The following RABGAP1L variants were observed in gnomAD, a reference collection of about 807,000 sequenced individuals.
RABGAP1L encodes the protein RAB GTPase activating protein 1 like.
In RABGAP1L, 63 loss-of-function variants were observed where a neutral mutation model predicts 137.7. The ratio of observed to expected loss-of-function variants is 0.46; its 90% CI spans 0.37 to 0.56. The LOEUF (loss-of-function observed/expected upper bound fraction) is 0.56, where lower values mean the gene tolerates loss of function less well. Ranked by LOEUF, RABGAP1L falls within the 20% of genes least tolerant of loss-of-function variation. The probability of loss-of-function intolerance (pLI) is 0.00; values close to 1 mark genes in which losing one functional copy is unlikely to be tolerated. For synonymous variants in RABGAP1L, 431 were observed against 433.7 expected, an observed-to-expected ratio of 0.99 and a Z score of 0.08; for missense variants, 1,095 against 1,244.0, an observed-to-expected ratio of 0.88 and a Z score of 1.80.
In RABGAP1L at chr1:174,982,919, T is replaced by G. The variant is rs965691426; in HGVS notation, c.2805+14T>G. The stretch of plus-strand genomic sequence containing the variant: ...GAAGTGGTAAAGGTAAGGAGTGAAA[T>G]CGTGCTGTGATAAAATTTATTTCAA... On this transcript the variant is annotated intron_variant, in intron 24 of 25. Transcript: ENST00000681986. The G allele has an allele frequency of 1.9e-6, 3 of 1,549,898 alleles. No homozygotes were observed. Among genetic ancestry groups the G allele is most frequent in the Non-Finnish European group, 2.6e-6 (3 of 1,146,634 alleles).
At chr1:174,515,511 G>A (rs1422974163) in intron 13 of RABGAP1L, among the ~76,000 whole-genome samples, 1 of 143,158 alleles carries the variant, frequency 7.0e-6, no homozygotes, top group Non-Finnish European at 1.6e-5. Flanking sequence ...GAGATCTTAA[G>A]TATTATACTG....
intron 10 of RABGAP1L, among the ~76,000 whole-genome samples, chr1:174,279,793 G>T (rs965060016): frequency 7.2e-5 from 11 of 151,940 alleles, no homozygotes; most frequent in African/African-American, 2.7e-4. Flanking sequence ...TTTATTATGA[G>T]ACTTTTTTCC....
At chr1:174,958,096 A>G in intron 20 of RABGAP1L, 1 of 1,515,172 alleles carries the variant, frequency 6.6e-7, no homozygotes, top group Middle Eastern at 1.7e-4. Flanking sequence ...TGACACAAGG[A>G]TGTTTCAAAC....
Position 174,368,984 on chromosome 1 carries a change from T to C in RABGAP1L, c.1466-1995T>C, listed in dbSNP as rs567540237. Among the ~76,000 whole-genome samples, 4 of 152,302 alleles carry C rather than the reference T, an allele frequency of 2.6e-5. No individual in the cohort carries two copies. The South Asian group carries it at 8.3e-4, about 32-fold the overall frequency. Reference sequence around the variant, plus strand: ...TGTGTTCCTAGATTTTGGTCTCTAATTTGGCATGTACAACATAATCAAATA... The same window carrying C: ...TGTGTTCCTAGATTTTGGTCTCTAACTTGGCATGTACAACATAATCAAATA... On this transcript the variant is annotated intron_variant, in intron 11 of 25. Transcript: ENST00000681986.
At position 174,804,281 on chromosome 1, in the gene RABGAP1L, G is replaced by GTTTTTTTTTTTGT. The variant is rs1553254979; in HGVS notation, c.2212-7539_2212-7538insTTTTTTTTTTTTG. Reference sequence around the variant, plus strand: ...TTTGTTTTGTTTTGTTTTGTTTTTTGTTTTTTTTTTTGAGATAGGGTTTCA... The same window carrying GTTTTTTTTTTTGT: ...TTTGTTTTGTTTTGTTTTGTTTTTTGTTTTTTTTTTTGTTTTTTTTTTTTGAGATAGGGTTTCA... On this transcript the variant is annotated intron_variant, in intron 18 of 25. Transcript: ENST00000681986. Among the ~76,000 whole-genome samples, 60 of 139,336 alleles carry GTTTTTTTTTTTGT rather than the reference G, an allele frequency of 4.3e-4. 1 individual carries two copies. Among genetic ancestry groups the GTTTTTTTTTTTGT allele is most frequent in the Admixed American group, 1.7e-3 (23 of 13,742 alleles). The allele number at this position is 139,336 out of a possible 152,430, so 91.4% of individuals were successfully genotyped here.
chr1:174,517,730 C>T (rs1662995441), intron 13 of RABGAP1L, among the ~76,000 whole-genome samples: 1 of 152,142 alleles, frequency 6.6e-6, no homozygotes, highest in Admixed American at 6.5e-5. Flanking sequence ...TGTTCCACTC[C>T]TGAAGAATGT....
chr1:174,713,390 T>C (rs1463095790), intron 17 of RABGAP1L, among the ~76,000 whole-genome samples: 2 of 152,208 alleles, frequency 1.3e-5, no homozygotes, highest in Non-Finnish European at 2.9e-5. Flanking sequence ...CCAGATCTCA[T>C]GTTGAAGTGT....
intron 11 of RABGAP1L, among the ~76,000 whole-genome samples, chr1:174,354,237 T>G (rs1683428836): frequency 6.6e-6 from 1 of 150,790 alleles, no homozygotes; most frequent in Non-Finnish European, 1.5e-5. Context: ...CCACTTTGCT[T>G]CTTTTTTTTT....
chr1:174,732,201 C>CAAAA (rs35666280), intron 17 of RABGAP1L, among the ~76,000 whole-genome samples: 4,639 of 144,978 alleles, frequency 0.032, 93 homozygotes, highest in Middle Eastern at 0.088. Flanking sequence ...CCATCCCCCC[C>CAAAA]AAAAAAAAAA....
rs910711861 is a variant in RABGAP1L at position 174,502,592 on chromosome 1, A to G, written c.1710+108447A>G. The stretch of plus-strand genomic sequence containing the variant: ...AAGTACACGGTATATATATATATAT[A>G]TATATGTACATATATGTGTGTATAT... On this transcript the variant is annotated intron_variant, in intron 13 of 25. Transcript: ENST00000681986. Among the ~76,000 whole-genome samples, 4 of 147,758 alleles carry G rather than the reference A, an allele frequency of 2.7e-5. No individual in the cohort carries two copies. The East Asian group carries it at 7.8e-4, about 29-fold the overall frequency.
At chr1:174,191,715 A>T (rs2148340134) in intron 1 of RABGAP1L, among the ~76,000 whole-genome samples, 1 of 152,258 alleles carries the variant, frequency 6.6e-6, no homozygotes, top group Non-Finnish European at 1.5e-5. Context: ...TGCTTTAATC[A>T]GCTTGCTTAC....
intron 14 of RABGAP1L, among the ~76,000 whole-genome samples, chr1:174,652,373 A>G (rs1675587946): frequency 6.6e-6 from 1 of 151,988 alleles, no homozygotes; most frequent in Non-Finnish European, 1.5e-5. Context: ...TTTGGAGGAG[A>G]AGAGGTGTTC....
intron 17 of RABGAP1L, among the ~76,000 whole-genome samples, chr1:174,736,363 C>A (rs1682942796): frequency 6.6e-6 from 1 of 152,256 alleles, no homozygotes; most frequent in Non-Finnish European, 1.5e-5. Flanking sequence ...CCATGTCCCA[C>A]ACCCTGGGCA....
rs532865230 is a variant in RABGAP1L at position 174,637,092 on chromosome 1, A to G, written c.1711-283A>G. On this transcript the variant is annotated intron_variant, in intron 13 of 25. Transcript: ENST00000681986. ...GAAAGAAACAGTCTAGTTTGCTTCA[A>G]TGGAGATGTATGTATACAACTTCCC... Among the ~76,000 whole-genome samples the G allele has an allele frequency of 7.2e-5, 11 of 152,278 alleles. No individual in the cohort carries two copies. In the South Asian group the frequency reaches 8.3e-4, roughly 11 times the overall value.
chr1:174,305,259 A>C (rs972282740), intron 11 of RABGAP1L, 132 bp downstream of exon 11: 10 of 912,022 alleles, frequency 1.1e-5, no homozygotes, highest in Non-Finnish European at 1.3e-5. Flanking sequence ...GCCAAATTCT[A>C]CAAGGTGCAG....
intron 1 of RABGAP1L, among the ~76,000 whole-genome samples, chr1:174,170,256 A>G (rs1038367800): frequency 5.3e-5 from 8 of 152,202 alleles, no homozygotes; most frequent in Non-Finnish European, 1.0e-4. Flanking sequence ...TACATGGGGT[A>G]GTTATTACAT....
At chr1:174,811,521 T>G (rs1164227339) in intron 18 of RABGAP1L, among the ~76,000 whole-genome samples, 1 of 152,182 alleles carries the variant, frequency 6.6e-6, no homozygotes, top group Non-Finnish European at 1.5e-5. Flanking sequence ...TTTAGCCTTA[T>G]TCTTTTCTCA....
chr1:174,234,019 A>G (rs1336964748), intron 4 of RABGAP1L, among the ~76,000 whole-genome samples: 2 of 137,720 alleles, frequency 1.5e-5, no homozygotes, highest in African/African-American at 3.3e-5. Context: ...ATGGCCAGTG[A>G]TGATGAGCAT....
intron 13 of RABGAP1L, among the ~76,000 whole-genome samples, chr1:174,565,390 T>A (rs1667505893): frequency 6.6e-6 from 1 of 152,162 alleles, no homozygotes; most frequent in Admixed American, 6.6e-5. Context: ...GGGTTTTGCT[T>A]CCTTAGATTT....
Sources: allele counts gnomAD v4.1 joint callset (sites outside exome capture counted in the v4.1 genomes callset), GRCh38; gene constraint gnomAD v4.1.1; transcripts MANE v1.5; gene names NCBI Gene and HGNC (gene_info 2026-07-23, HGNC 2026-07-21).